TG: variants seen among roughly 807,000 people sequenced by gnomAD.
TG encodes thyroglobulin.
In TG, 270 loss-of-function variants were observed where a neutral mutation model predicts 324.7. The ratio of observed to expected loss-of-function variants is 0.83; its 90% CI spans 0.75 to 0.92. The LOEUF (loss-of-function observed/expected upper bound fraction) is 0.92, where lower values mean the gene tolerates loss of function less well. Ranked by LOEUF, TG falls within the 40% of genes least tolerant of loss-of-function variation. The pLI is 0.00. For missense variants in TG, 3,591 were observed against 3,456.4 expected (o/e 1.04, Z -0.98); for synonymous variants, 1,401 against 1,327.0 (o/e 1.06, Z -1.21).
At chr8:132,919,333 C>T (rs754286742) in intron 20 of TG, 43 bp from the exon 21 acceptor site, 3 of 1,598,200 alleles carry the variant, frequency 1.9e-6, no homozygotes, top group African/African-American at 1.3e-5. Context: ...AACTGTGAAG[C>T]ATGTGTCTTG....
intron 27 of TG, 49 bp from the exon 28 acceptor site, chr8:132,960,959 C>G: frequency 1.3e-6 from 2 of 1,570,996 alleles, no homozygotes; most frequent in Non-Finnish European, 1.8e-6. Flanking sequence ...TGGTGGGTAC[C>G]CAGTGACAGC....
At chr8:132,877,810 G>A (rs1203116556) in intron 5 of TG, among the ~76,000 whole-genome samples, 1 of 152,122 alleles carries the variant, frequency 6.6e-6, no homozygotes, top group East Asian at 1.9e-4. Flanking sequence ...TAGATTGTGG[G>A]CATACAGAAA....
intron 40 of TG, among the ~76,000 whole-genome samples, chr8:133,027,075 CCGG>C: frequency 6.6e-6 from 1 of 152,290 alleles, no homozygotes; most frequent in Admixed American, 6.5e-5. Context: ...GGGACTGCAG[CCGG>C]CTGGTGTGGT....
At chr8:133,065,992 G>A (rs1460807645) in intron 41 of TG, among the ~76,000 whole-genome samples, 1 of 152,086 alleles carries the variant, frequency 6.6e-6, no homozygotes, top group African/African-American at 2.4e-5. Context: ...AGCGAGGCCA[G>A]TTGAGGCATG....
chr8:133,044,482 C>T (rs569227948), intron 41 of TG, among the ~76,000 whole-genome samples: 9 of 152,238 alleles, frequency 5.9e-5, no homozygotes, highest in African/African-American at 1.4e-4. Context: ...AACCAGGCCA[C>T]GGGGAAGCAT....
At chr8:132,929,912 A>G (rs910276204) in intron 23 of TG, among the ~76,000 whole-genome samples, 4 of 152,184 alleles carry the variant, frequency 2.6e-5, no homozygotes, top group Non-Finnish European at 5.9e-5. Flanking sequence ...GGTATGTGGT[A>G]TACTGCCGAG....
intron 35 of TG, among the ~76,000 whole-genome samples, chr8:133,011,089 A>G (rs1523069): frequency 0.52 from 79,230 of 152,072 alleles, 22,019 homozygotes; most frequent in African/African-American, 0.7. Context: ...GGTGCAGAGC[A>G]TGCTTGGGAT....
chr8:132,994,673 C>A, intron 35 of TG: 1 of 1,285,022 alleles, frequency 7.8e-7, no homozygotes, highest in Non-Finnish European at 1.0e-6. Flanking sequence ...CCTGAAGGAA[C>A]TCAGTTTGAC....
chr8:133,023,728 G>A (rs1207397656), intron 40 of TG, among the ~76,000 whole-genome samples: 2 of 152,212 alleles, frequency 1.3e-5, no homozygotes, highest in African/African-American at 4.8e-5. Context: ...TGGCTGTCTT[G>A]TTGGCTTAGA....
At position 132,917,082 on chromosome 8, in the gene TG, C is replaced by CTGCCTTCA. The variant is rs1820439933; in HGVS notation, c.4379-2293_4379-2292insGCCTTCAT. Among the ~76,000 whole-genome samples, 27 of 109,838 alleles carry CTGCCTTCA rather than the reference C, an allele frequency of 2.5e-4. 1 individual carries two copies. Among genetic ancestry groups the CTGCCTTCA allele is most frequent in the Admixed American group, 6.1e-4 (6 of 9,828 alleles). 72.1% of individuals were successfully genotyped at this position (109,838 alleles called of 152,430 possible). ...CCTTCCTTCCTTCCTTCCTTCCTTC[C>CTGCCTTCA]TTCCCTTACTTCCTTTTTTTCTTCT... On this transcript the variant is annotated intron_variant, in intron 20 of 47. Coordinates refer to ENST00000220616, the MANE Select transcript of TG (RefSeq NM_003235.5).
At chr8:132,873,340 T>A in intron 5 of TG, 119 bp downstream of exon 5, 1 of 1,352,334 alleles carries the variant, frequency 7.4e-7, no homozygotes, top group South Asian at 1.2e-5. Flanking sequence ...AAGAGCTGCC[T>A]CATTCTCATG....
chr8:132,929,623 T>A (rs543237802), intron 23 of TG, among the ~76,000 whole-genome samples: 29 of 147,012 alleles, frequency 2.0e-4, no homozygotes, highest in African/African-American at 7.0e-4. Flanking sequence ...ACAAAAATAG[T>A]TTTAAGAGTG....
At chr8:132,887,577 G>T (rs764881242) in intron 9 of TG, 29 bp downstream of exon 9, 25 of 1,614,034 alleles carry the variant, frequency 1.5e-5, no homozygotes, top group East Asian at 4.5e-5. Context: ...CAATCTGTAG[G>T]TTCCCTGAGT....
chr8:133,095,102 C>A lies in TG; in HGVS notation c.7298C>A (p.Ala2433Glu). 3 of 1,614,184 alleles carry A rather than the reference C, an allele frequency of 1.9e-6. No individual in the cohort carries two copies. Among genetic ancestry groups the A allele is most frequent in the Non-Finnish European group, 2.5e-6 (3 of 1,180,034 alleles). The change falls in exon 42 of 48, where the codon GCA (alanine) becomes GAA (glutamate). Residue 2433 changes from alanine to glutamate, a missense_variant. By Grantham distance (107) the Ala-to-Glu change is moderately radical (BLOSUM62 -1). Coordinates refer to ENST00000220616, the MANE Select transcript of TG (RefSeq NM_003235.5). ...AGCCATGAGAGGGCTCAGCAGCAGG[C>A]AATTGCTTTGGCAAAGGAGGTCAGT... ...VISHERAQQQ[A>E]IALAKEVSCP...
chr8:133,058,635 G>A (rs1056969007), intron 41 of TG, among the ~76,000 whole-genome samples: 1 of 152,198 alleles, frequency 6.6e-6, no homozygotes, highest in Non-Finnish European at 1.5e-5. Context: ...GGAGGAGGCT[G>A]TGGCCAAAGC....
At chr8:133,034,936 C>T (rs1185811616) in intron 41 of TG, among the ~76,000 whole-genome samples, 1 of 152,218 alleles carries the variant, frequency 6.6e-6, no homozygotes, top group Non-Finnish European at 1.5e-5. Flanking sequence ...TTTCATTCTC[C>T]ATCATCTTTC....
At chr8:132,987,667 C>T (rs1218260183) in intron 35 of TG, among the ~76,000 whole-genome samples, 1 of 151,880 alleles carries the variant, frequency 6.6e-6, no homozygotes, top group East Asian at 1.9e-4. Context: ...TGAGTCTAGA[C>T]TTGTCTGGAG....
chr8:132,977,575 G>A (rs528981917), intron 34 of TG, among the ~76,000 whole-genome samples: 46 of 152,198 alleles, frequency 3.0e-4, no homozygotes, highest in Admixed American at 1.4e-3. Flanking sequence ...CCTCACAATC[G>A]TGACGGAAGG....
intron 43 of TG, among the ~76,000 whole-genome samples, chr8:133,099,224 C>A (rs906434648): frequency 6.6e-6 from 1 of 152,236 alleles, no homozygotes; most frequent in African/African-American, 2.4e-5. Context: ...TCCCAGACAC[C>A]AATCACAGGG....
Sources: gnomAD v4.1 joint callset for allele counts (sites outside exome capture counted in the v4.1 genomes callset) on GRCh38, gnomAD v4.1.1 for gene constraint, MANE v1.5 for transcripts, NCBI Gene and HGNC (gene_info 2026-07-23, HGNC 2026-07-21) for gene names.